Variants in CLEC16A observed in about 807,000 individuals in gnomAD.
CLEC16A encodes C-type lectin domain containing 16A.
Under a neutral mutation model 109.5 loss-of-function variants are expected in CLEC16A, and 51 were observed. That is an observed-to-expected ratio of 0.47 (90% CI 0.37 to 0.59). The LOEUF is 0.59. CLEC16A is among the 20% of genes least tolerant of loss of function. The pLI is 0.00. For missense variants in CLEC16A, 1,339 were observed against 1,394.0 expected (o/e 0.96, Z 0.63); for synonymous variants, 673 against 564.2 (o/e 1.19, Z -2.73).
chr16:11,163,535 A>G (rs934000177), intron 22 of CLEC16A, among the ~76,000 whole-genome samples: 10 of 152,164 alleles, frequency 6.6e-5, no homozygotes, highest in African/African-American at 2.2e-4. Flanking sequence ...TTTACTGCCA[A>G]TCTATGACTT....
At chr16:11,143,012 T>C (rs2053908125) in intron 22 of CLEC16A, among the ~76,000 whole-genome samples, 1 of 152,218 alleles carries the variant, frequency 6.6e-6, no homozygotes, top group Non-Finnish European at 1.5e-5. Flanking sequence ...AGTTTCACCA[T>C]GTTGGCCAGG....
chr16:10,977,902 G>A (rs1259746022), intron 8 of CLEC16A, among the ~76,000 whole-genome samples: 1 of 152,130 alleles, frequency 6.6e-6, no homozygotes, highest in African/African-American at 2.4e-5. Context: ...GTGTGTGTGT[G>A]TGAGAAGACT....
intron 19 of CLEC16A, among the ~76,000 whole-genome samples, chr16:11,084,076 T>G (rs74711346): frequency 0.014 from 2,126 of 152,210 alleles, 33 homozygotes; most frequent in African/African-American, 0.048. Context: ...CCCCGCGGCC[T>G]GGCTCTGGGA....
At chr16:10,974,039 C>T (rs2042925369) in intron 7 of CLEC16A, among the ~76,000 whole-genome samples, 2 of 151,650 alleles carry the variant, frequency 1.3e-5, no homozygotes, top group Non-Finnish European at 2.9e-5. Context: ...GCTGGGATTA[C>T]AGGCATGCAC....
chr16:10,960,896 G>T (rs770804423), intron 2 of CLEC16A, among the ~76,000 whole-genome samples: 1 of 152,080 alleles, frequency 6.6e-6, no homozygotes, highest in Non-Finnish European at 1.5e-5. Context: ...GTATCCCCTC[G>T]ATATGCTCTC....
intron 2 of CLEC16A, among the ~76,000 whole-genome samples, chr16:10,958,971 T>A (rs1035210506): frequency 1.6e-4 from 25 of 151,836 alleles, no homozygotes; most frequent in African/African-American, 6.1e-4. Flanking sequence ...GATGTCTTAG[T>A]GCAGAAGGAT....
chr16:11,002,912 T>A (rs1365945966), intron 10 of CLEC16A, among the ~76,000 whole-genome samples, 162 bp from the exon 11 acceptor site: 1 of 152,056 alleles, frequency 6.6e-6, no homozygotes, highest in Non-Finnish European at 1.5e-5. Flanking sequence ...TCTTTGCTAT[T>A]GTGAATAGTC....
At chr16:10,970,022 TTAAA>T (rs2042704808) in intron 4 of CLEC16A, among the ~76,000 whole-genome samples, 1 of 152,200 alleles carries the variant, frequency 6.6e-6, no homozygotes, top group Non-Finnish European at 1.5e-5. Flanking sequence ...AATGAACAAC[TTAAA>T]TAAATAAATT....
chr16:11,034,926 AGT>A (rs373358730), intron 13 of CLEC16A, among the ~76,000 whole-genome samples: 2 of 151,530 alleles, frequency 1.3e-5, no homozygotes, highest in South Asian at 2.1e-4. Flanking sequence ...TGTGTGTATG[AGT>A]GTGTGTGTGT....
intron 10 of CLEC16A, among the ~76,000 whole-genome samples, chr16:10,983,343 C>G (rs996843220): frequency 1.3e-5 from 2 of 152,204 alleles, no homozygotes; most frequent in Non-Finnish European, 2.9e-5. Context: ...ATGAATGACT[C>G]AGGCCCCAGG....
chr16:11,135,349 C>T (rs1475074145), intron 22 of CLEC16A, among the ~76,000 whole-genome samples: 1 of 152,202 alleles, frequency 6.6e-6, no homozygotes, highest in East Asian at 1.9e-4. Context: ...GAACCGCGTT[C>T]CCGGATCCGG....
rs766306026 is a variant in CLEC16A, at chr16:11,147,487, C to T, written c.2642-18901C>T. Among the ~76,000 whole-genome samples, 22 of 152,286 alleles carry T rather than the reference C, an allele frequency of 1.4e-4. No individual in the cohort carries two copies. The East Asian group carries it at 2.5e-3, about 17-fold the overall frequency. On this transcript the variant is annotated intron_variant, in intron 22 of 23. Coordinates refer to ENST00000409790, the MANE Select transcript of CLEC16A (RefSeq NM_015226.3). ...CCTGGAGGGCAAGGTTCTCTGAAGG[C>T]GAGGTTCCAGGTTGTTCTGCAGAGC...
At chr16:11,080,783 T>C (rs77621029) in intron 19 of CLEC16A, among the ~76,000 whole-genome samples, 69 of 152,294 alleles carry the variant, frequency 4.5e-4, no homozygotes, top group African/African-American at 1.6e-3. Context: ...ACTGCATCAC[T>C]CTCACCTCCT....
In CLEC16A at chr16:10,944,769, C is replaced by T. The variant is rs368810122; in HGVS notation, c.52C>T (p.Arg18Cys). 8.1e-6 allele frequency: 13 copies of T among 1,609,618 alleles called. No homozygotes were observed. The highest frequency in any genetic ancestry group is 1.3e-5 in the African/African-American group (1 of 74,866). The change falls in exon 1 of 24, where the codon CGC becomes TGC. Residue 18 changes from arginine to cysteine, a missense_variant. Around this residue, in one of 3 missense-constraint regions of CLEC16A, gnomAD observed 117 missense variants for 120.2 expected, o/e 0.97. Transcript: ENST00000409790. ...GGGCGGGGGCCATGGCAAGACTTCC[C>T]GCAACATCCACTCCTTGGACCACCT... Reference protein sequence around the residue: ...WVGGGHGKTSRNIHSLDHLKY... With the variant: ...WVGGGHGKTSCNIHSLDHLKY...
rs752007155 is a variant in CLEC16A at position 11,044,018 on chromosome 16, C to G, written c.1771-10C>G. On this transcript the variant is annotated splice_polypyrimidine_tract_variant and intron_variant, in intron 15 of 23. Coordinates refer to ENST00000409790, the MANE Select transcript of CLEC16A (RefSeq NM_015226.3). ...CCTGCCTCCTTCACACCTTCCTTCT[C>G]TTTTAACAGGGTGCGAGAGAAGAAA... is the stretch of plus-strand genomic sequence containing the variant. The G allele has an allele frequency of 4.4e-6, 7 of 1,603,892 alleles. No individual in the cohort carries two copies. Among genetic ancestry groups the G allele is most frequent in the Admixed American group, 1.7e-5 (1 of 58,378 alleles).
At chr16:11,132,258 C>T (rs2053264319) in intron 22 of CLEC16A, among the ~76,000 whole-genome samples, 1 of 146,444 alleles carries the variant, frequency 6.8e-6, no homozygotes, top group Non-Finnish European at 1.5e-5. Flanking sequence ...CGCCCCCATC[C>T]AGCCCCTGGC....
chr16:11,081,699 C>T (rs1347128427), intron 19 of CLEC16A, among the ~76,000 whole-genome samples: 1 of 152,222 alleles, frequency 6.6e-6, no homozygotes, highest in East Asian at 1.9e-4. Flanking sequence ...CAATTTGAGC[C>T]AGGAGGAATT....
chr16:11,070,217 C>T (rs1343481040), intron 19 of CLEC16A, among the ~76,000 whole-genome samples: 1 of 152,070 alleles, frequency 6.6e-6, no homozygotes, highest in Non-Finnish European at 1.5e-5. Context: ...ACTACAGGCG[C>T]GTGCCACCAC....
chr16:10,967,179 TC>T (rs1004405187), intron 3 of CLEC16A, among the ~76,000 whole-genome samples: 7 of 152,064 alleles, frequency 4.6e-5, no homozygotes, highest in Admixed American at 1.3e-4. Context: ...AGAACTGACT[TC>T]CAAGGAGGAC....
Sources: gnomAD v4.1 joint callset for allele counts (sites outside exome capture counted in the v4.1 genomes callset) on GRCh38, gnomAD v4.1.1 for gene constraint, gnomAD v4.1.1 regional missense constraint, MANE v1.5 for transcripts, NCBI Gene and HGNC (gene_info 2026-07-23, HGNC 2026-07-21) for gene names.